The following ZHX2 variants were observed in gnomAD, a reference collection of about 807,000 sequenced individuals.
The protein encoded by ZHX2 is zinc fingers and homeoboxes protein 2.
A neutral mutation model predicts 21.9 loss-of-function variants in ZHX2; 6 were observed. The ratio of observed to expected loss-of-function variants is 0.27; its 90% CI spans 0.15 to 0.54. ZHX2 has a LOEUF of 0.54. Ranked by LOEUF, ZHX2 falls within the 20% of genes least tolerant of loss-of-function variation. The probability of loss-of-function intolerance (pLI) is 0.95; values close to 1 mark genes in which losing one functional copy is unlikely to be tolerated. For synonymous variants in ZHX2, 434 were observed against 437.1 expected (o/e 0.99, Z 0.09); for missense variants, 908 against 1,090.7 (o/e 0.83, Z 2.36).
At chr8:122,913,919 A>T (rs184426738) in intron 2 of ZHX2, among the ~76,000 whole-genome samples, 3 of 152,280 alleles carry the variant, frequency 2.0e-5, no homozygotes, top group Non-Finnish European at 4.4e-5. Context: ...TCCTATAACA[A>T]TGGCCTTCAT....
chr8:122,807,482 T>G (rs1817846341), intron 1 of ZHX2, among the ~76,000 whole-genome samples: 5 of 152,186 alleles, frequency 3.3e-5, no homozygotes, highest in Admixed American at 2.6e-4. Context: ...CAAATTGAAG[T>G]GTTAGGCACT....
chr8:122,969,408 G>GC (rs879514249), intron 3 of ZHX2, among the ~76,000 whole-genome samples: 25 of 151,672 alleles, frequency 1.6e-4, no homozygotes, highest in South Asian at 6.3e-4. Flanking sequence ...CCTCCCCACT[G>GC]CCCCCCCCAA....
At chr8:122,967,676 G>A (rs542464162) in intron 3 of ZHX2, among the ~76,000 whole-genome samples, 17 of 152,370 alleles carry the variant, frequency 1.1e-4, no homozygotes, top group African/African-American at 4.1e-4. Context: ...CCTCTGGTTA[G>A]CCAGGATGTT....
chr8:122,823,677 T>A lies in ZHX2; in HGVS notation c.-282-39800T>A, dbSNP rs117054258. 3.1e-4 allele frequency among the ~76,000 whole-genome samples: 47 copies of A among 152,176 alleles called. 1 individual carries two copies. In the East Asian group the frequency reaches 8.3e-3, roughly 27 times the overall value. On this transcript the variant is annotated intron_variant, in intron 1 of 3. Coordinates refer to ENST00000314393, the MANE Select transcript of ZHX2 (RefSeq NM_014943.5). ...TGCAAGATGCTCTGTGACAAAGAGGTTCCCTTGTCATTTCAGTTTGGGAAA... is the reference window on the plus strand; with the variant it reads ...TGCAAGATGCTCTGTGACAAAGAGGATCCCTTGTCATTTCAGTTTGGGAAA...
At chr8:122,844,603 T>C (rs780931579) in intron 1 of ZHX2, among the ~76,000 whole-genome samples, 1 of 152,100 alleles carries the variant, frequency 6.6e-6, no homozygotes, top group Non-Finnish European at 1.5e-5. Flanking sequence ...ACGAGGGAGG[T>C]AGAAGGAGGT....
intron 3 of ZHX2, among the ~76,000 whole-genome samples, chr8:122,971,219 A>G (rs1813712277): frequency 6.6e-6 from 1 of 151,426 alleles, no homozygotes; most frequent in African/African-American, 2.4e-5. Flanking sequence ...AGTCATGATC[A>G]TTCTTGTTTT....
At chr8:122,884,327 T>G (rs1401280164) in intron 2 of ZHX2, among the ~76,000 whole-genome samples, 1 of 152,218 alleles carries the variant, frequency 6.6e-6, no homozygotes, top group Non-Finnish European at 1.5e-5. Flanking sequence ...TGTTTCTCAC[T>G]GATAAAGCTG....
chr8:122,931,957 G>A (rs1324249480), intron 2 of ZHX2, among the ~76,000 whole-genome samples: 2 of 152,162 alleles, frequency 1.3e-5, no homozygotes, highest in Non-Finnish European at 2.9e-5. Flanking sequence ...TGATTTGGAG[G>A]TGGCACAGAC....
chr8:122,933,507 G>C (rs540684762), intron 2 of ZHX2, among the ~76,000 whole-genome samples: 15 of 152,216 alleles, frequency 9.9e-5, no homozygotes, highest in African/African-American at 3.4e-4. Context: ...GGGCGTGTAG[G>C]TGTGTGTGCT....
chr8:122,947,090 T>C (rs1378735805), intron 2 of ZHX2, among the ~76,000 whole-genome samples: 3 of 65,814 alleles, frequency 4.6e-5, no homozygotes, highest in Admixed American at 4.1e-4. Context: ...ATCCTGTCTT[T>C]GCAAAAAAAA....
At chr8:122,800,136 G>A (rs1253287295) in intron 1 of ZHX2, among the ~76,000 whole-genome samples, 1 of 152,212 alleles carries the variant, frequency 6.6e-6, no homozygotes, top group Non-Finnish European at 1.5e-5. Context: ...GATTATAGGC[G>A]TGAGCCACCG....
chr8:122,940,687 C>T (rs1015538231), intron 2 of ZHX2, among the ~76,000 whole-genome samples: 7 of 152,192 alleles, frequency 4.6e-5, no homozygotes, highest in Non-Finnish European at 8.8e-5. Flanking sequence ...AATCTTCCTC[C>T]TTTGAACACT....
chr8:122,881,930 G>A (rs1328617117), intron 2 of ZHX2, among the ~76,000 whole-genome samples: 1 of 152,162 alleles, frequency 6.6e-6, no homozygotes, highest in Non-Finnish European at 1.5e-5. Context: ...TAGTGGCACT[G>A]TGCACCCAGA....
chr8:122,930,231 A>G (rs1292195615), intron 2 of ZHX2, among the ~76,000 whole-genome samples: 1 of 152,232 alleles, frequency 6.6e-6, no homozygotes, highest in Non-Finnish European at 1.5e-5. Flanking sequence ...CCCAAGGGAT[A>G]CTTATTACCA....
rs769413931 is a variant in ZHX2, at chr8:122,952,199, G to A, written c.689G>A (p.Gly230Asp). Residue 230 changes from glycine to aspartate, a missense_variant, in exon 3 of 4, where the codon GGC (glycine) becomes GAC (aspartate). Gly to Asp is a moderately conservative substitution (Grantham distance 94). Around this residue, in one of 4 missense-constraint regions of ZHX2, gnomAD observed 220 missense variants for 251.4 expected, o/e 0.88. Transcript: ENST00000314393. The surrounding 1 kb of genome is among the most constrained non-coding windows in gnomAD (Gnocchi z 6.9). ...ACAGCTGAGATCCTCTCGAGACTCG[G>A]CGGGGTGGAGCTCCTCCAAGACACA... is the stretch of plus-strand genomic sequence containing the variant. ...TDTAEILSRL[G>D]GVELLQDTLG... 2.2e-5 allele frequency: 35 copies of A among 1,613,288 alleles called. No individual in the cohort carries two copies. Among genetic ancestry groups the A allele is most frequent in the Non-Finnish European group, 3.0e-5 (35 of 1,179,932 alleles).
chr8:122,834,723 C>T (rs1202915293), intron 1 of ZHX2, among the ~76,000 whole-genome samples: 1 of 152,122 alleles, frequency 6.6e-6, no homozygotes, highest in African/African-American at 2.4e-5. Context: ...ATAGTGGTTC[C>T]TTCTGGGCTA....
At chr8:122,936,154 A>G (rs1812683884) in intron 2 of ZHX2, among the ~76,000 whole-genome samples, 1 of 152,220 alleles carries the variant, frequency 6.6e-6, no homozygotes, top group South Asian at 2.1e-4. Context: ...TGTTTGAAGA[A>G]GGGAACAGAG....
intron 2 of ZHX2, among the ~76,000 whole-genome samples, chr8:122,902,443 C>A (rs932473269): frequency 6.6e-6 from 1 of 152,190 alleles, no homozygotes; most frequent in African/African-American, 2.4e-5. Context: ...CTCAGCTGTA[C>A]ATTGGGGATG....
chr8:122,870,832 A>G (rs1049105027), intron 2 of ZHX2, among the ~76,000 whole-genome samples: 1 of 152,150 alleles, frequency 6.6e-6, no homozygotes, highest in African/African-American at 2.4e-5. Context: ...AACTCACTCC[A>G]GAGCACCAAT....
Sources: allele counts gnomAD v4.1 joint callset (sites outside exome capture counted in the v4.1 genomes callset), GRCh38; gene constraint gnomAD v4.1.1; regional missense constraint gnomAD v4.1.1; non-coding constraint Gnocchi (gnomAD v3.1); transcripts MANE v1.5; gene names NCBI Gene and HGNC (gene_info 2026-07-23, HGNC 2026-07-21).